The following PRDM15 variants were observed in gnomAD, a reference collection of about 807,000 sequenced individuals.
The protein encoded by PRDM15 is PR/SET domain 15, also known as PR domain zinc finger protein 15.
Under a neutral mutation model 128.6 loss-of-function variants are expected in PRDM15, and 64 were observed. The ratio of observed to expected loss-of-function variants is 0.50; its 90% CI spans 0.41 to 0.61. The LOEUF (loss-of-function observed/expected upper bound fraction) is 0.61. PRDM15 is among the 20% of genes least tolerant of loss of function. The pLI, the probability that PRDM15 is intolerant of heterozygous loss-of-function variation, is 0.00. For missense variants in PRDM15, 1,242 were observed against 1,569.1 expected, an observed-to-expected ratio of 0.79 and a Z score of 3.52; for synonymous variants, 615 against 621.8, an observed-to-expected ratio of 0.99 and a Z score of 0.16.
Position 41,854,369 on chromosome 21 carries a change from G to A in PRDM15, c.538+197C>T, listed in dbSNP as rs1056553548. Among the ~76,000 whole-genome samples the A allele has an allele frequency of 6.6e-6, 1 of 152,084 alleles. No individual in the cohort carries two copies. The highest frequency in any genetic ancestry group is 2.4e-5 in the African/African-American group (1 of 41,404). ...CTGTGTTAACTTGTGTTACATCCAC[G>A]TGCCCAAACTGACCAAGGATGTTTA... On this transcript the variant is annotated intron_variant, in intron 5 of 23. Transcript: ENST00000398548. The surrounding 1 kb of genome is among the most constrained non-coding windows in gnomAD (Gnocchi z 4.6).
At position 41,859,516 on chromosome 21, in the gene PRDM15, C is replaced by T; in HGVS notation, c.131+76G>A. 8.3e-7 allele frequency: 1 copy of T among 1,202,674 alleles called. No individual in the cohort carries two copies. The highest frequency in any genetic ancestry group is 1.2e-6 in the Non-Finnish European group (1 of 831,994). 74.5% of individuals were successfully genotyped at this position (1,202,674 alleles called of 1,614,324 possible). ...CTCCCTCAGGCTCCTTCCTCCCCGTCTGCAGACCCAAAGGCCACTAGGCTC... is the reference window on the plus strand; with the variant it reads ...CTCCCTCAGGCTCCTTCCTCCCCGTTTGCAGACCCAAAGGCCACTAGGCTC... On this transcript the variant is annotated intron_variant, in intron 3 of 23. Transcript: ENST00000398548. The surrounding 1 kb of genome is among the most constrained non-coding windows in gnomAD (Gnocchi z 5.3).
chr21:41,864,412 AT>A (rs2063927767), intron 1 of PRDM15, among the ~76,000 whole-genome samples: 1 of 152,174 alleles, frequency 6.6e-6, no homozygotes, highest in Admixed American at 6.5e-5. Flanking sequence ...CAAAAACACA[AT>A]CTATAAAAGG....
Position 41,806,051 on chromosome 21 carries a change from CCACCACCATCACCAT to C in PRDM15, c.2653-1452_2653-1438del, listed in dbSNP as rs776501177. ...ACCACCATCACCACCACCATCACCA[CCACCACCATCACCAT>C]CACCACCACCATCACCACCACCACC... On this transcript the variant is annotated intron_variant, in intron 21 of 23. Transcript: ENST00000398548. Among the ~76,000 whole-genome samples the C allele has an allele frequency of 9.0e-3, 245 of 27,262 alleles. 1 individual carries two copies. The highest frequency in any genetic ancestry group is 0.011 in the Non-Finnish European group (155 of 14,420). 17.9% of individuals were successfully genotyped at this position (27,262 alleles called of 152,430 possible). A position where few individuals can be genotyped will look rare whatever the true frequency, so the allele number is the denominator to read the frequency against.
intron 18 of PRDM15, among the ~76,000 whole-genome samples, chr21:41,817,294 T>A (rs2062086544): frequency 6.6e-6 from 1 of 152,208 alleles, no homozygotes; most frequent in Non-Finnish European, 1.5e-5. Context: ...ATACCTGGTG[T>A]CATATTCTTA....
chr21:41,810,673 TTCCAC>T lies in PRDM15; in HGVS notation c.2476+75_2476+79del, dbSNP rs1446164026. ...ACCGTCTAGATAATAGAATAGTCGT[TTCCAC>T]CCCAGCAGGCACTCAGACAGCCCCG... is the stretch of plus-strand genomic sequence containing the variant. On this transcript the variant is annotated intron_variant, in intron 20 of 23. Transcript: ENST00000398548. This position sits in a 1 kb window ranked among gnomAD's most constrained non-coding sequence, Gnocchi z 6.4. The T allele has an allele frequency of 6.3e-6, 7 of 1,117,182 alleles. No homozygotes were observed. The highest frequency in any genetic ancestry group is 5.5e-6 in the Non-Finnish European group (4 of 733,942). 69.2% of individuals were successfully genotyped at this position (1,117,182 alleles called of 1,614,324 possible). A position where few individuals can be genotyped will look rare whatever the true frequency, so the allele number is the denominator to read the frequency against.
Position 41,821,186 on chromosome 21 carries a change from C to G in PRDM15, c.1941G>C (p.Glu647Asp), listed in dbSNP as rs533789945. 3.7e-6 allele frequency: 6 copies of G among 1,614,222 alleles called. No homozygotes were observed. The Admixed American group carries it at 1.0e-4, about 27-fold the overall frequency. Residue 647 changes from glutamate to aspartate, a missense_variant, in exon 16 of 24, where the codon GAG becomes GAC. Around this residue, in one of 3 missense-constraint regions of PRDM15, gnomAD observed 602 missense variants for 788.3 expected, o/e 0.76. Transcript: ENST00000398548. The surrounding 1 kb of genome is among the most constrained non-coding windows in gnomAD (Gnocchi z 5.4). ...RGKEYLKHIM[E>D]VHKEKGYGCS... ...AGCCATAGCCCTTCTCCTTGTGCACCTCCATGATGTGCTTCAGGTACTCCT... is the reference window on the plus strand; with the variant it reads ...AGCCATAGCCCTTCTCCTTGTGCACGTCCATGATGTGCTTCAGGTACTCCT...
chr21:41,876,816 G>A (rs2064434495), intron 1 of PRDM15, among the ~76,000 whole-genome samples: 1 of 152,182 alleles, frequency 6.6e-6, no homozygotes, highest in Non-Finnish European at 1.5e-5. Flanking sequence ...CTGGAACTAG[G>A]CTCTGTCCTG....
At chr21:41,834,710 G>A (rs866362792) in intron 11 of PRDM15, 11 of 657,886 alleles carry the variant, frequency 1.7e-5, no homozygotes, top group South Asian at 1.1e-4. Flanking sequence ...CGTCATCACT[G>A]CAGAATACAG....
At position 41,815,023 on chromosome 21, in the gene PRDM15, G is replaced by A. The variant is rs866982431; in HGVS notation, c.2392+682C>T. ...CTCTAGTGTTTTATGAGAATGCCTC[G>A]TGTTAGTGATTGCGCAGGGTGCTCT... On this transcript the variant is annotated intron_variant, in intron 19 of 23. Coordinates refer to ENST00000398548, the MANE Select transcript of PRDM15 (RefSeq NM_001040424.3). 3.6e-4 allele frequency: 55 copies of A among 153,518 alleles called. No individual in the cohort carries two copies. In the Middle Eastern group the frequency reaches 0.013, roughly 36 times the overall value. The allele number at this position is 153,518 out of a possible 1,614,324, so 9.5% of individuals were successfully genotyped here.
intron 19 of PRDM15, 91 bp downstream of exon 19, chr21:41,815,614 G>A (rs537308347): frequency 3.0e-5 from 46 of 1,515,432 alleles, no homozygotes; most frequent in African/African-American, 2.1e-4. Context: ...AAGAGGAATC[G>A]TCTCAAGGCG....
At position 41,823,309 on chromosome 21, in the gene PRDM15, G is replaced by A. The variant is rs762756085; in HGVS notation, c.1761+9C>T. On this transcript the variant is annotated intron_variant, in intron 14 of 23. Transcript: ENST00000398548. Reference sequence around the variant, plus strand: ...GCATGCCTGGGTGAGGGCAGCACGCGATCGACACCTTGAAGTGGACATGGA... The same window carrying A: ...GCATGCCTGGGTGAGGGCAGCACGCAATCGACACCTTGAAGTGGACATGGA... 1.6e-5 allele frequency: 25 copies of A among 1,607,398 alleles called. No individual in the cohort carries two copies. Among genetic ancestry groups the A allele is most frequent in the Middle Eastern group, 1.6e-4 (1 of 6,072 alleles).
rs376261899 is a variant in PRDM15, at chr21:41,868,851, A to G, written c.-9-8479T>C. Among the ~76,000 whole-genome samples the G allele has an allele frequency of 1.9e-3, 292 of 151,742 alleles. 2 individuals are homozygous for G. Among genetic ancestry groups the G allele is most frequent in the African/African-American group, 6.5e-3 (269 of 41,374 alleles). ...AGTACAGGTGCCCACCACCATGCCC[A>G]GCTAATTTTTGTATTTTTAGTAGAG... On this transcript the variant is annotated intron_variant, in intron 1 of 23. Coordinates refer to ENST00000398548, the MANE Select transcript of PRDM15 (RefSeq NM_001040424.3).
chr21:41,803,963 A>ATT (rs72214468), intron 22 of PRDM15, among the ~76,000 whole-genome samples: 3,620 of 132,420 alleles, frequency 0.027, 158 homozygotes, highest in African/African-American at 0.095. Context: ...GATTGTTCTG[A>ATT]TTTTTTTTTT....
chr21:41,805,878 AC>A (rs1301205034), intron 21 of PRDM15, among the ~76,000 whole-genome samples: 39 of 142,724 alleles, frequency 2.7e-4, no homozygotes, highest in African/African-American at 7.4e-4. Flanking sequence ...CACCATCACC[AC>A]CCCCTCCATC....
chr21:41,831,058 G>A (rs1033896181), intron 11 of PRDM15, among the ~76,000 whole-genome samples: 4 of 152,266 alleles, frequency 2.6e-5, no homozygotes, highest in Admixed American at 6.5e-5. Context: ...ACAGCTGGGT[G>A]ACCCAGGAGC....
chr21:41,816,969 T>A (rs931797078), intron 18 of PRDM15, among the ~76,000 whole-genome samples: 2 of 151,278 alleles, frequency 1.3e-5, no homozygotes, highest in African/African-American at 4.9e-5. Flanking sequence ...GCTTCTAAAA[T>A]GAACATATTC....
At position 41,800,003 on chromosome 21, in the gene PRDM15, C is replaced by A. The variant is rs1288280934; in HGVS notation, c.*1237G>T. 1 of 152,238 alleles carries A rather than the reference C, an allele frequency of 6.6e-6. No homozygotes were observed. The highest frequency in any genetic ancestry group is 1.5e-5 in the Non-Finnish European group (1 of 68,044). 9.4% of individuals were successfully genotyped at this position (152,238 alleles called of 1,614,324 possible). A position where few individuals can be genotyped will look rare whatever the true frequency, so the allele number is the denominator to read the frequency against. On this transcript the variant is annotated 3_prime_UTR_variant, in exon 24 of 24. Transcript: ENST00000398548. ...CCGCACACGCAGACCTGGCTGTTCA[C>A]CGCACATTCAGTTTTAGGGGCAATT...
At chr21:41,874,753 A>C (rs1011739283) in intron 1 of PRDM15, 1 of 152,120 alleles carries the variant, frequency 6.6e-6, no homozygotes, top group Non-Finnish European at 1.5e-5. Context: ...TGACGCCTGC[A>C]GTAGGTCAGC....
intron 1 of PRDM15, among the ~76,000 whole-genome samples, chr21:41,865,227 G>A (rs2063966377): frequency 7.4e-6 from 1 of 135,262 alleles, no homozygotes; most frequent in African/African-American, 2.7e-5. Context: ...CTCAGTCTTA[G>A]CTTAACGTCA....
Sources: gnomAD v4.1 joint callset for allele counts (sites outside exome capture counted in the v4.1 genomes callset) on GRCh38, gnomAD v4.1.1 for gene constraint, gnomAD v4.1.1 regional missense constraint, Gnocchi (gnomAD v3.1) non-coding constraint, MANE v1.5 for transcripts, NCBI Gene and HGNC (gene_info 2026-07-23, HGNC 2026-07-21) for gene names.